Variants in ANKFN1 observed in about 807,000 individuals in gnomAD.
ANKFN1 encodes ankyrin repeat and fibronectin type-III domain-containing protein 1.
In ANKFN1, 74 loss-of-function variants were observed where a neutral mutation model predicts 108.7. The ratio of observed to expected loss-of-function variants is 0.68; its 90% CI spans 0.56 to 0.83. The LOEUF (loss-of-function observed/expected upper bound fraction) is 0.83. Ranked by LOEUF, ANKFN1 falls within the 40% of genes least tolerant of loss-of-function variation. The pLI is 0.00. For missense variants in ANKFN1, 1,505 were observed against 1,382.3 expected, an observed-to-expected ratio of 1.09 and a Z score of -1.41; for synonymous variants, 547 against 516.2, an observed-to-expected ratio of 1.06 and a Z score of -0.81.
At chr17:56,460,278 C>A (rs2049855939) in intron 14 of ANKFN1, among the ~76,000 whole-genome samples, 1 of 152,008 alleles carries the variant, frequency 6.6e-6, no homozygotes, top group Non-Finnish European at 1.5e-5. Context: ...CATGGCAAAA[C>A]CCCATCTCTA....
At chr17:56,368,070 G>C in intron 6 of ANKFN1, 1 of 760,222 alleles carries the variant, frequency 1.3e-6, no homozygotes, top group Non-Finnish European at 1.9e-6. Flanking sequence ...TCTGCCATCA[G>C]ATCCAGAGGC....
At chr17:56,082,196 A>G (rs777120520) in intron 4 of ANKFN1, among the ~76,000 whole-genome samples, 2 of 152,170 alleles carry the variant, frequency 1.3e-5, no homozygotes, top group Non-Finnish European at 2.9e-5. Context: ...TAAAGCCTTT[A>G]TGGAAACTAG....
chr17:56,452,717 C>A lies in ANKFN1; in HGVS notation c.1207+3531C>A, dbSNP rs547471432. ...CTAGAATATTTAATGCTTGCATGTG[C>A]CCTTTTCCCAACTGGTAGCAGTACT... On this transcript the variant is annotated intron_variant, in intron 11 of 20. Transcript: ENST00000682825. 1.3e-3 allele frequency among the ~76,000 whole-genome samples: 192 copies of A among 152,290 alleles called. 4 individuals are homozygous for A. The South Asian group carries it at 0.038, about 30-fold the overall frequency.
chr17:56,458,884 T>A (rs1469117057), intron 14 of ANKFN1, among the ~76,000 whole-genome samples: 1 of 151,898 alleles, frequency 6.6e-6, no homozygotes, highest in South Asian at 2.1e-4. Context: ...CAAAAAAAAA[T>A]TTCTATGGCT....
intron 4 of ANKFN1, among the ~76,000 whole-genome samples, chr17:56,327,980 T>C (rs1053362439): frequency 6.6e-6 from 1 of 152,110 alleles, no homozygotes; most frequent in Non-Finnish European, 1.5e-5. Context: ...CAGAACACTC[T>C]GAAGGAAGCA....
intron 3 of ANKFN1, among the ~76,000 whole-genome samples, chr17:56,276,005 A>C (rs895525510): frequency 6.6e-6 from 1 of 152,050 alleles, no homozygotes; most frequent in African/African-American, 2.4e-5. Flanking sequence ...TCCTGATGCT[A>C]TCCCTCCCCT....
At chr17:56,322,689 G>T (rs1441529118) in intron 3 of ANKFN1, among the ~76,000 whole-genome samples, 2 of 152,190 alleles carry the variant, frequency 1.3e-5, no homozygotes, top group Admixed American at 6.5e-5. Context: ...CCTGTAGAGA[G>T]ATCTTCATTC....
At chr17:56,364,081 A>G (rs2046596309) in intron 6 of ANKFN1, among the ~76,000 whole-genome samples, 1 of 152,156 alleles carries the variant, frequency 6.6e-6, no homozygotes, top group African/African-American at 2.4e-5. Context: ...GTAAATTCCA[A>G]ATGTTCTCAC....
intron 4 of ANKFN1, among the ~76,000 whole-genome samples, chr17:56,124,254 T>C (rs1383869090): frequency 6.6e-6 from 1 of 152,220 alleles, no homozygotes; most frequent in African/African-American, 2.4e-5. Context: ...TAATATAATG[T>C]GTGTGAATTT....
intron 4 of ANKFN1, among the ~76,000 whole-genome samples, chr17:56,347,839 G>T (rs2046146157): frequency 1.3e-5 from 2 of 152,024 alleles, no homozygotes; most frequent in South Asian, 4.1e-4. Context: ...AAAGACAAAA[G>T]GGGCCATGTG....
chr17:56,070,278 G>T (rs539865511), intron 4 of ANKFN1, among the ~76,000 whole-genome samples: 1 of 152,134 alleles, frequency 6.6e-6, no homozygotes, highest in East Asian at 1.9e-4. Context: ...AGGGGAGAAG[G>T]CTCTAGAGGA....
At chr17:56,165,996 A>G (rs1910100557) in intron 1 of ANKFN1, among the ~76,000 whole-genome samples, 2 of 152,118 alleles carry the variant, frequency 1.3e-5, no homozygotes, top group Admixed American at 6.6e-5. Context: ...TCTGCCTACC[A>G]TACTCTCACC....
chr17:56,425,128 A>G (rs1009566981), intron 8 of ANKFN1, among the ~76,000 whole-genome samples: 2 of 123,068 alleles, frequency 1.6e-5, no homozygotes, highest in South Asian at 4.8e-4. Context: ...GCTCTTAGTT[A>G]AAAAAAAAAA....
intron 4 of ANKFN1, among the ~76,000 whole-genome samples, chr17:56,065,203 A>G (rs566709334): frequency 1.3e-5 from 2 of 152,248 alleles, no homozygotes; most frequent in South Asian, 2.1e-4. Context: ...TATTGCTTCC[A>G]TCTTTTCTCC....
chr17:56,462,180 G>C (rs974938180), intron 14 of ANKFN1: 1 of 152,216 alleles, frequency 6.6e-6, no homozygotes, highest in Non-Finnish European at 1.5e-5. Flanking sequence ...TTGTTGGTGA[G>C]GGAGGTAAGA....
intron 10 of ANKFN1, among the ~76,000 whole-genome samples, chr17:56,446,274 G>A (rs1284330778): frequency 2.0e-5 from 3 of 152,112 alleles, no homozygotes; most frequent in Admixed American, 1.3e-4. Flanking sequence ...TCAGGGACGC[G>A]TAGTAATTCA....
chr17:56,497,337 C>T (rs930492252), intron 19 of ANKFN1, among the ~76,000 whole-genome samples: 1 of 152,162 alleles, frequency 6.6e-6, no homozygotes, highest in African/African-American at 2.4e-5. Flanking sequence ...GCCTGAAGCT[C>T]AATCTCATGC....
chr17:56,343,435 C>A (rs1407512574), intron 4 of ANKFN1, among the ~76,000 whole-genome samples: 1 of 151,850 alleles, frequency 6.6e-6, no homozygotes, highest in Non-Finnish European at 1.5e-5. Context: ...TTTTTGGCCC[C>A]TGTGATTTTT....
chr17:56,330,711 T>C (rs970269848), intron 4 of ANKFN1, among the ~76,000 whole-genome samples: 3 of 152,150 alleles, frequency 2.0e-5, no homozygotes, highest in African/African-American at 7.2e-5. Flanking sequence ...GGTTACCCTA[T>C]GTGGGATACT....
Sources: allele counts gnomAD v4.1 joint callset (sites outside exome capture counted in the v4.1 genomes callset), GRCh38; gene constraint gnomAD v4.1.1; transcripts MANE v1.5; gene names NCBI Gene and HGNC (gene_info 2026-07-23, HGNC 2026-07-21).